DCC: variants seen among roughly 807,000 people sequenced by gnomAD.
DCC encodes the protein netrin receptor DCC.
DCC carries 58 observed loss-of-function variants against 172.5 expected under a neutral mutation model. The observed-to-expected ratio is 0.34, with a 90% CI of 0.27 to 0.42. The LOEUF is 0.42. DCC is among the 10% of genes least tolerant of loss of function. DCC has a pLI of 1.00. For missense variants in DCC, 1,740 were observed against 1,791.0 expected, an observed-to-expected ratio of 0.97 and a Z score of 0.51; for synonymous variants, 709 against 644.5, an observed-to-expected ratio of 1.10 and a Z score of -1.52.
At chr18:52,696,195 A>G (rs995693028) in intron 1 of DCC, among the ~76,000 whole-genome samples, 2 of 152,218 alleles carry the variant, frequency 1.3e-5, no homozygotes, top group South Asian at 2.1e-4. Context: ...AGTTATATAC[A>G]TATGTCTAAT....
At chr18:52,878,345 A>G (rs1027428709) in intron 2 of DCC, among the ~76,000 whole-genome samples, 13 of 152,146 alleles carry the variant, frequency 8.5e-5, no homozygotes, top group Non-Finnish European at 1.6e-4. Flanking sequence ...TCCATAACAC[A>G]ACTCACTTTC....
chr18:52,456,528 T>C (rs1272689930), intron 1 of DCC, among the ~76,000 whole-genome samples: 3 of 152,222 alleles, frequency 2.0e-5, no homozygotes, highest in African/African-American at 4.8e-5. Context: ...AACATGGTTA[T>C]ACAATATAGT....
At chr18:52,386,008 A>G (rs1425116630) in intron 1 of DCC, among the ~76,000 whole-genome samples, 2 of 152,084 alleles carry the variant, frequency 1.3e-5, no homozygotes, top group Non-Finnish European at 2.9e-5. Flanking sequence ...ATATGTGTAT[A>G]CTTACGCAGA....
chr18:53,494,833 A>G (rs2046000697), intron 26 of DCC, among the ~76,000 whole-genome samples: 1 of 152,136 alleles, frequency 6.6e-6, no homozygotes, highest in Non-Finnish European at 1.5e-5. Flanking sequence ...TGTGTATTTA[A>G]TCCTGTCATT....
chr18:53,354,333 G>T (rs568688888), intron 15 of DCC, among the ~76,000 whole-genome samples: 11 of 152,102 alleles, frequency 7.2e-5, no homozygotes, highest in Non-Finnish European at 8.8e-5. Context: ...CTGAGGAATC[G>T]CCACACTGTC....
At chr18:53,311,677 T>A (rs1420859647) in intron 13 of DCC, among the ~76,000 whole-genome samples, 1 of 152,250 alleles carries the variant, frequency 6.6e-6, no homozygotes, top group Non-Finnish European at 1.5e-5. Context: ...ATATTATTAC[T>A]TACTGAACTC....
At chr18:52,651,496 A>G (rs1002370520) in intron 1 of DCC, among the ~76,000 whole-genome samples, 2 of 149,106 alleles carry the variant, frequency 1.3e-5, no homozygotes, top group African/African-American at 2.5e-5. Context: ...GCATTTTTAA[A>G]ATCTTTTTTT....
At chr18:52,477,784 A>G (rs576544016) in intron 1 of DCC, among the ~76,000 whole-genome samples, 33 of 152,276 alleles carry the variant, frequency 2.2e-4, no homozygotes, top group African/African-American at 6.7e-4. Flanking sequence ...GTGAGCACCA[A>G]TAAGTTTGAT....
chr18:52,837,298 CA>C (rs1218023951), intron 2 of DCC, among the ~76,000 whole-genome samples: 1 of 152,220 alleles, frequency 6.6e-6, no homozygotes, highest in African/African-American at 2.4e-5. Flanking sequence ...GGCAAATTTC[CA>C]TGGCTGGCTT....
At chr18:52,361,927 G>T (rs924502211) in intron 1 of DCC, among the ~76,000 whole-genome samples, 9 of 152,196 alleles carry the variant, frequency 5.9e-5, no homozygotes, top group Non-Finnish European at 1.3e-4. Context: ...ATTAAACAGT[G>T]TCAAGACCAG....
At chr18:52,751,891 T>C (rs9965944) in intron 1 of DCC, 163 bp from the exon 2 acceptor site, 5 of 627,512 alleles carry the variant, frequency 8.0e-6, no homozygotes, top group African/African-American at 7.4e-5. Context: ...GGTACTTTTT[T>C]GCTTATTTAA....
chr18:53,078,273 A>G (rs1017396943), intron 7 of DCC, among the ~76,000 whole-genome samples: 1 of 152,190 alleles, frequency 6.6e-6, no homozygotes, highest in Non-Finnish European at 1.5e-5. Flanking sequence ...CCTGGGCAAC[A>G]GAGCAAGACC....
chr18:52,898,519 C>T (rs1244401637), intron 2 of DCC, among the ~76,000 whole-genome samples: 1 of 152,122 alleles, frequency 6.6e-6, no homozygotes, highest in Admixed American at 6.5e-5. Context: ...AATATTCAAA[C>T]TTTCTGACTG....
intron 12 of DCC, among the ~76,000 whole-genome samples, chr18:53,241,978 A>G (rs919584): frequency 0.059 from 9,011 of 152,230 alleles, 824 homozygotes; most frequent in African/African-American, 0.2. Flanking sequence ...ACATGATTTT[A>G]TATTTAGAAA....
chr18:53,102,664 G>T (rs1164494952), intron 7 of DCC, among the ~76,000 whole-genome samples: 1 of 152,070 alleles, frequency 6.6e-6, no homozygotes, highest in Non-Finnish European at 1.5e-5. Flanking sequence ...TTTGTTCAAT[G>T]CTATGGGCAT....
chr18:52,856,483 G>A (rs981279770), intron 2 of DCC, among the ~76,000 whole-genome samples: 1 of 151,750 alleles, frequency 6.6e-6, no homozygotes, highest in Non-Finnish European at 1.5e-5. Context: ...AAAAATAGCC[G>A]GGCGTGGTGG....
intron 1 of DCC, among the ~76,000 whole-genome samples, chr18:52,638,184 A>C (rs2034818405): frequency 6.6e-6 from 1 of 152,216 alleles, no homozygotes; most frequent in Non-Finnish European, 1.5e-5. Context: ...ATCTTGAAAC[A>C]AATCCTGGAA....
Position 52,758,251 on chromosome 18 carries a change from C to G in DCC, c.412+5877C>G, listed in dbSNP as rs1432736845. 2.6e-5 allele frequency among the ~76,000 whole-genome samples: 4 copies of G among 152,112 alleles called. No individual in the cohort carries two copies. The East Asian group carries it at 7.7e-4, about 29-fold the overall frequency. ...AATAAGCTCATAAATAATGATCTTTCTAGGAACACAATTTGGTAATCTTTT... is the reference window on the plus strand; with the variant it reads ...AATAAGCTCATAAATAATGATCTTTGTAGGAACACAATTTGGTAATCTTTT... On this transcript the variant is annotated intron_variant, in intron 2 of 28. Coordinates refer to ENST00000442544, the MANE Select transcript of DCC (RefSeq NM_005215.4).
chr18:52,378,901 G>A (rs117510619), intron 1 of DCC, among the ~76,000 whole-genome samples: 1,534 of 152,132 alleles, frequency 0.01, 18 homozygotes, highest in South Asian at 0.021. Flanking sequence ...TATTCTCTTA[G>A]CAATAGACTC....
Sources: allele counts gnomAD v4.1 joint callset (sites outside exome capture counted in the v4.1 genomes callset), GRCh38; gene constraint gnomAD v4.1.1; transcripts MANE v1.5; gene names NCBI Gene and HGNC (gene_info 2026-07-23, HGNC 2026-07-21).